ATP11B: variants seen among roughly 807,000 people sequenced by gnomAD.
The protein encoded by ATP11B is phospholipid-transporting ATPase IF.
Under a neutral mutation model 157.8 loss-of-function variants are expected in ATP11B, and 81 were observed. The ratio of observed to expected loss-of-function variants is 0.51; its 90% confidence interval spans 0.43 to 0.62. The LOEUF is 0.62. Ranked by LOEUF, ATP11B falls within the 20% of genes least tolerant of loss-of-function variation. The pLI, the probability that ATP11B is intolerant of heterozygous loss-of-function variation, is 0.00. For missense variants in ATP11B, 1,165 were observed against 1,402.2 expected (o/e 0.83, Z 2.70); for synonymous variants, 451 against 469.4 (o/e 0.96, Z 0.51).
chr3:182,910,073 G>GA (rs34483660), intron 28 of ATP11B, among the ~76,000 whole-genome samples: 831 of 63,260 alleles, frequency 0.013, 7 homozygotes, highest in Non-Finnish European at 0.022. Context: ...TCGGCCTCCA[G>GA]AAAAAAAAAA....
chr3:182,859,277 G>A lies in ATP11B; in HGVS notation c.1118G>A (p.Gly373Asp), dbSNP rs756303679. The part of the protein sequence containing the change: ...MQKFLGSFFI[G>D]WDLDLYHEES... ...AAATTTCTTGGATCATTTTTTATTG[G>A]CTGGGATCTTGATCTGTATCATGAA... The change falls in exon 12 of 30, where the codon GGC becomes GAC. Residue 373 changes from glycine to aspartate, a missense_variant. This residue lies in a region of ATP11B where 737 missense variants were observed against 930.5 expected (regional missense o/e 0.79). Coordinates refer to ENST00000323116, the MANE Select transcript of ATP11B (RefSeq NM_014616.3). The A allele has an allele frequency of 6.2e-7, 1 of 1,611,510 alleles. No homozygotes were observed. The highest frequency in any genetic ancestry group is 1.7e-5 in the Admixed American group (1 of 59,822).
At chr3:182,884,677 ATAAT>A (rs1389370737) in intron 21 of ATP11B, 72 bp from the exon 22 acceptor site, 12 of 1,410,530 alleles carry the variant, frequency 8.5e-6, no homozygotes, top group Non-Finnish European at 1.1e-5. Context: ...ACTATTATAA[ATAAT>A]TAAGATATTT....
chr3:182,797,090 A>G (rs866144710), intron 1 of ATP11B, among the ~76,000 whole-genome samples: 14 of 152,350 alleles, frequency 9.2e-5, no homozygotes, highest in Non-Finnish European at 1.5e-4. Flanking sequence ...TTCCCTTCAC[A>G]GTCACAAGGA....
At chr3:182,908,196 C>CTTTTTTTTTTTTTTTTT (rs10716562) in intron 28 of ATP11B, among the ~76,000 whole-genome samples, 1 of 70,720 alleles carries the variant, frequency 1.4e-5, no homozygotes, top group African/African-American at 5.7e-5. Context: ...TTATTATTTT[C>CTTTTTTTTTTTTTTTTT]TTTTTTTTTT....
intron 14 of ATP11B, among the ~76,000 whole-genome samples, chr3:182,866,677 T>G (rs1721258344): frequency 6.6e-6 from 1 of 151,592 alleles, no homozygotes. Context: ...ATCTGATTAC[T>G]ATAAAAATCT....
intron 10 of ATP11B, among the ~76,000 whole-genome samples, chr3:182,851,158 A>G (rs1373133424): frequency 6.6e-6 from 1 of 152,082 alleles, no homozygotes; most frequent in Non-Finnish European, 1.5e-5. Flanking sequence ...TGGGTGTGGT[A>G]GTGTGCGCCT....
At chr3:182,841,222 G>C (rs916984317) in intron 7 of ATP11B, among the ~76,000 whole-genome samples, 2 of 152,122 alleles carry the variant, frequency 1.3e-5, no homozygotes, top group African/African-American at 2.4e-5. Flanking sequence ...TTCTTATTCT[G>C]TTCTGCTCTT....
At chr3:182,844,285 G>C (rs1312565796) in intron 8 of ATP11B, 2 of 152,136 alleles carry the variant, frequency 1.3e-5, no homozygotes, top group Non-Finnish European at 2.9e-5. Context: ...ACTATCCATG[G>C]AGTGTACTCC....
chr3:182,799,462 G>A (rs1260956327), intron 1 of ATP11B, among the ~76,000 whole-genome samples: 3 of 151,942 alleles, frequency 2.0e-5, no homozygotes, highest in African/African-American at 7.3e-5. Flanking sequence ...ATTTTTAGTA[G>A]AGATGGGGTT....
chr3:182,887,246 G>A (rs976818544), intron 23 of ATP11B, among the ~76,000 whole-genome samples: 2 of 152,120 alleles, frequency 1.3e-5, no homozygotes, highest in Non-Finnish European at 2.9e-5. Flanking sequence ...TGTGGAAGGA[G>A]TAGTAAGATG....
intron 1 of ATP11B, among the ~76,000 whole-genome samples, chr3:182,811,783 G>C (rs1174965630): frequency 6.6e-6 from 1 of 152,094 alleles, no homozygotes; most frequent in African/African-American, 2.4e-5. Context: ...CTGATAACAG[G>C]AACAGCATAT....
At chr3:182,804,040 C>T (rs1441456886) in intron 1 of ATP11B, among the ~76,000 whole-genome samples, 1 of 151,946 alleles carries the variant, frequency 6.6e-6, no homozygotes, top group South Asian at 2.1e-4. Context: ...ATGCCACTTA[C>T]AGTGTTTGTC....
chr3:182,845,384 C>G (rs902418981), intron 8 of ATP11B, 74 bp from the exon 9 acceptor site: 2 of 1,275,888 alleles, frequency 1.6e-6, no homozygotes, highest in Non-Finnish European at 2.2e-6. Flanking sequence ...GTACCTTCTG[C>G]TGAAGATGCC....
At chr3:182,916,382 G>A in intron 29 of ATP11B, 1 of 985,330 alleles carries the variant, frequency 1.0e-6, no homozygotes, top group Non-Finnish European at 1.2e-6. Context: ...TGCCACCAGT[G>A]TTTTTATGTG....
At chr3:182,841,328 C>G (rs906148192) in intron 7 of ATP11B, among the ~76,000 whole-genome samples, 4 of 152,196 alleles carry the variant, frequency 2.6e-5, no homozygotes, top group Non-Finnish European at 4.4e-5. Flanking sequence ...AATGTAAACT[C>G]TAGAGCAGGC....
At chr3:182,890,313 T>A (rs1200654117) in intron 25 of ATP11B, among the ~76,000 whole-genome samples, 1 of 152,144 alleles carries the variant, frequency 6.6e-6, no homozygotes, top group Non-Finnish European at 1.5e-5. Flanking sequence ...TCCATTCCCA[T>A]CACTTAAGTA....
chr3:182,882,554 C>G (rs759583568), intron 21 of ATP11B, among the ~76,000 whole-genome samples: 1 of 147,762 alleles, frequency 6.8e-6, no homozygotes, highest in Non-Finnish European at 1.5e-5. Context: ...TGTAACAAAA[C>G]AAATTCAAGA....
chr3:182,836,253 T>C, intron 5 of ATP11B, 89 bp from the exon 6 acceptor site: 1 of 1,568,666 alleles, frequency 6.4e-7, no homozygotes, highest in Non-Finnish European at 8.7e-7. Context: ...GCTAAAATAC[T>C]GTGATAGGCT....
chr3:182,844,595 C>A, intron 8 of ATP11B: 1 of 976,354 alleles, frequency 1.0e-6, no homozygotes, highest in Non-Finnish European at 1.2e-6. Flanking sequence ...GTATGCAATG[C>A]AAGTAGTCAA....
Sources: gnomAD v4.1 joint callset for allele counts (sites outside exome capture counted in the v4.1 genomes callset) on GRCh38, gnomAD v4.1.1 for gene constraint, gnomAD v4.1.1 regional missense constraint, MANE v1.5 for transcripts, NCBI Gene and HGNC (gene_info 2026-07-23, HGNC 2026-07-21) for gene names.